Variants in ANK2 observed in about 807,000 individuals in gnomAD.
ANK2 encodes the protein ankyrin 2.
ANK2 carries 83 observed loss-of-function variants against 360.5 expected under a neutral mutation model. That is an observed-to-expected ratio of 0.23 (90% CI 0.19 to 0.28). The LOEUF is 0.28. Among genes scored for constraint, ANK2 ranks in the 10% least tolerant of loss-of-function variants. The pLI, the probability that ANK2 is intolerant of heterozygous loss-of-function variation, is 1.00. For synonymous variants in ANK2, 1,740 were observed against 1,759.5 expected, an observed-to-expected ratio of 0.99 and a Z score of 0.28; for missense variants, 4,201 against 4,795.7, an observed-to-expected ratio of 0.88 and a Z score of 3.66.
chr4:113,353,035 C>T lies in ANK2; in HGVS notation c.4427-10C>T. ...CATTTTACTTTCAATGTTTTTCATT[C>T]ACATCAAAGATGATGAGACAGAATC... On this transcript the variant is annotated splice_polypyrimidine_tract_variant and intron_variant, in intron 37 of 45. Transcript: ENST00000357077. 6.2e-7 allele frequency: 1 copy of T among 1,611,220 alleles called. No individual in the cohort carries two copies. The highest frequency in any genetic ancestry group is 8.5e-7 in the Non-Finnish European group (1 of 1,178,314).
At chr4:112,719,859 A>G in the ANK2 span, among the ~76,000 whole-genome samples, 1 of 152,150 alleles carries the variant, frequency 6.6e-6, no homozygotes, top group African/African-American at 2.4e-5. Context: ...GAAAGGGAAT[A>G]TCAGAGGAAA....
intron 4 of ANK2, among the ~76,000 whole-genome samples, chr4:113,201,957 A>G (rs1209025638): frequency 6.6e-6 from 1 of 152,176 alleles, no homozygotes; most frequent in East Asian, 1.9e-4. Context: ...TAAGATTTAT[A>G]TTGCAGGGGA....
intron 1 of ANK2, among the ~76,000 whole-genome samples, chr4:113,135,517 G>GTC (rs763317115): frequency 5.2e-4 from 76 of 147,472 alleles, no homozygotes; most frequent in Non-Finnish European, 1.0e-3. Flanking sequence ...AGCTGTGTGT[G>GTC]TCTCTCTGTG....
chr4:112,712,914 A>T, the ANK2 span, among the ~76,000 whole-genome samples: 1 of 152,158 alleles, frequency 6.6e-6, no homozygotes, highest in Non-Finnish European at 1.5e-5. Context: ...AGTACTGACA[A>T]ATACTTAAGA....
At chr4:113,216,616 C>G (rs532147620) in intron 4 of ANK2, among the ~76,000 whole-genome samples, 26 of 152,302 alleles carry the variant, frequency 1.7e-4, no homozygotes, top group Non-Finnish European at 2.9e-4. Context: ...CAGTCTTGCT[C>G]CAGTAAACAC....
chr4:112,844,483 T>A (rs573273234), intron 1 of ANK2, among the ~76,000 whole-genome samples: 1 of 152,222 alleles, frequency 6.6e-6, no homozygotes, highest in African/African-American at 2.4e-5. Context: ...ACTGTGCCAA[T>A]GTTTGCAAAT....
chr4:112,930,522 T>C (rs2093093122), intron 2 of ANK2, among the ~76,000 whole-genome samples: 1 of 151,626 alleles, frequency 6.6e-6, no homozygotes, highest in Non-Finnish European at 1.5e-5. Flanking sequence ...AGGGGAGTTA[T>C]AGTATGAGGG....
At chr4:112,715,920 T>C in the ANK2 span, among the ~76,000 whole-genome samples, 4 of 152,122 alleles carry the variant, frequency 2.6e-5, no homozygotes, top group Non-Finnish European at 5.9e-5. Context: ...GAGACTCCCA[T>C]CTCAAAATTA....
chr4:113,265,151 A>G (rs1325506686), intron 14 of ANK2, among the ~76,000 whole-genome samples, 156 bp downstream of exon 14: 1 of 152,214 alleles, frequency 6.6e-6, no homozygotes, highest in Non-Finnish European at 1.5e-5. Flanking sequence ...AAAAAGAAAC[A>G]TTATTTAAGC....
chr4:113,174,268 A>G (rs1196275311), intron 1 of ANK2, 148 bp from the exon 2 acceptor site: 3 of 626,544 alleles, frequency 4.8e-6, no homozygotes, highest in Non-Finnish European at 8.8e-6. Flanking sequence ...TATATAGTGA[A>G]TGATTATTCA....
chr4:112,957,838 C>T (rs1452259298), intron 2 of ANK2, among the ~76,000 whole-genome samples: 11 of 148,694 alleles, frequency 7.4e-5, no homozygotes, highest in Non-Finnish European at 1.2e-4. Flanking sequence ...ACTTCTCAGA[C>T]GGGGCGGTTG....
intron 1 of ANK2, among the ~76,000 whole-genome samples, chr4:113,140,630 A>G (rs1414767655): frequency 6.6e-6 from 1 of 152,042 alleles, no homozygotes; most frequent in Non-Finnish European, 1.5e-5. Context: ...CACTTTAAAG[A>G]CTCATGGCAA....
At chr4:113,140,040 C>T (rs572206277) in intron 1 of ANK2, among the ~76,000 whole-genome samples, 2 of 118,092 alleles carry the variant, frequency 1.7e-5, no homozygotes, top group South Asian at 5.6e-4. Flanking sequence ...GCAACAGTTT[C>T]CCTGATTGAT....
intron 1 of ANK2, among the ~76,000 whole-genome samples, chr4:113,087,201 A>G (rs997298801): frequency 1.3e-5 from 2 of 152,348 alleles, no homozygotes; most frequent in African/African-American, 4.8e-5. Context: ...CAAGGTTTCC[A>G]GGAAAAGAAG....
In ANK2 at chr4:113,327,158, A is replaced by T. The variant is rs558441681; in HGVS notation, c.2901-3088A>T. Among the ~76,000 whole-genome samples the T allele has an allele frequency of 3.3e-5, 5 of 152,234 alleles. No individual in the cohort carries two copies. In the South Asian group the frequency reaches 1.0e-3, roughly 32 times the overall value. ...GGTAAATTTATCTGCTTGCAGCTTC[A>T]GGCTTTAAAGTGCTATTATTTTGAT... is the stretch of plus-strand genomic sequence containing the variant. On this transcript the variant is annotated intron_variant, in intron 26 of 45. Coordinates refer to ENST00000357077, the MANE Select transcript of ANK2 (RefSeq NM_001148.6).
chr4:113,373,169 A>C lies in ANK2; in HGVS notation c.11690A>C (p.Lys3897Thr). 6.2e-7 allele frequency: 1 copy of C among 1,614,024 alleles called. No homozygotes were observed. The highest frequency in any genetic ancestry group is 8.5e-7 in the Non-Finnish European group (1 of 1,179,868). Reference protein sequence around the residue: ...YIDEHGHTVVKKVTRKIIRRY... With the variant: ...YIDEHGHTVVTKVTRKIIRRY... Reference sequence around the variant, plus strand: ...GATGAGCATGGACACACCGTGGTAAAGAAGGTATTGTCTAGTATATCCTAA... The same window carrying C: ...GATGAGCATGGACACACCGTGGTAACGAAGGTATTGTCTAGTATATCCTAA... Residue 3897 changes from lysine to threonine, a missense_variant, in exon 44 of 46, where the codon AAG (lysine) becomes ACG (threonine). This residue lies in a region of ANK2 where 2,642 missense variants were observed against 2,714.5 expected (regional missense o/e 0.97). Transcript: ENST00000357077.
rs181391364 is a variant in ANK2 at position 113,104,030 on chromosome 4, G to A, written c.84+54218G>A. ...AAATACCAAGGGTCTCGGAAACCTA[G>A]GGTTTGATAAGTAAGAGGAACAGAT... On this transcript the variant is annotated intron_variant, in intron 1 of 45. Transcript: ENST00000357077. Among the ~76,000 whole-genome samples, 33 of 152,220 alleles carry A rather than the reference G, an allele frequency of 2.2e-4. 1 individual carries two copies. Among genetic ancestry groups the A allele is most frequent in the African/African-American group, 7.9e-4 (33 of 41,538 alleles).
chr4:112,937,389 C>T (rs1342819745), intron 2 of ANK2, among the ~76,000 whole-genome samples: 1 of 149,728 alleles, frequency 6.7e-6, no homozygotes, highest in Non-Finnish European at 1.5e-5. Flanking sequence ...TACAGTGGTG[C>T]GATCTTGGCT....
At chr4:112,714,698 A>G in the ANK2 span, among the ~76,000 whole-genome samples, 1 of 152,196 alleles carries the variant, frequency 6.6e-6, no homozygotes, top group South Asian at 2.1e-4. Flanking sequence ...ACAATTTCTA[A>G]ATCGGCTACA....
Sources: gnomAD v4.1 joint callset for allele counts (sites outside exome capture counted in the v4.1 genomes callset) on GRCh38, gnomAD v4.1.1 for gene constraint, gnomAD v4.1.1 regional missense constraint, MANE v1.5 for transcripts, NCBI Gene and HGNC (gene_info 2026-07-23, HGNC 2026-07-21) for gene names.